SULT1C3: variants seen among roughly 807,000 people sequenced by gnomAD.
SULT1C3 encodes sulfotransferase 1C3.
Under a neutral mutation model 28.4 loss-of-function variants are expected in SULT1C3, and 31 were observed. The observed-to-expected ratio is 1.09, with a 90% CI of 0.82 to 1.47. The LOEUF is 1.47. SULT1C3 is among the 40% of genes most tolerant of loss of function. The pLI, the probability that SULT1C3 is intolerant of heterozygous loss-of-function variation, is 0.00. For synonymous variants in SULT1C3, 106 were observed against 92.2 expected, an observed-to-expected ratio of 1.15 and a Z score of -0.86; for missense variants, 307 against 272.5, an observed-to-expected ratio of 1.13 and a Z score of -0.89.
downstream of SULT1C3, among the ~76,000 whole-genome samples, chr2:108,262,005 C>G (rs891672053): frequency 8.5e-5 from 13 of 152,124 alleles, no homozygotes; most frequent in Middle Eastern, 3.4e-3. Flanking sequence ...CAGAGGGGAC[C>G]CTGGGGTGAA....
chr2:108,260,291 G>T (rs891284627), intron 7 of SULT1C3, among the ~76,000 whole-genome samples: 1 of 152,132 alleles, frequency 6.6e-6, no homozygotes, highest in African/African-American at 2.4e-5. Context: ...CTAGAGCCAG[G>T]AGTGTACCCT....
chr2:108,247,331 C>A lies in SULT1C3; in HGVS notation c.137C>A (p.Pro46His). 1.3e-6 allele frequency: 2 copies of A among 1,568,096 alleles called. No individual in the cohort carries two copies. Among genetic ancestry groups the A allele is most frequent in the East Asian group, 2.3e-5 (1 of 43,420 alleles). The change falls in exon 2 of 8, where the codon CCT becomes CAT. Residue 46 changes from proline (P) to histidine (H), a missense_variant. Physicochemically the swap from Pro to His is moderately conservative, Grantham distance 77. Transcript: ENST00000681802. ...AAAGTATGTAATTTCCAAGCCAAGC[C>A]TGATGATCTTATTCTGGCAACTTAC... ...WEKVCNFQAK[P>H]DDLILATYPK...
intron 1 of SULT1C3, among the ~76,000 whole-genome samples, chr2:108,241,361 G>C (rs1208725613): frequency 6.6e-6 from 1 of 152,196 alleles, no homozygotes; most frequent in Non-Finnish European, 1.5e-5. Flanking sequence ...AATTCTAGAG[G>C]AACCAGGCAG....
At chr2:108,264,624 G>A (rs1676091351), downstream of SULT1C3, among the ~76,000 whole-genome samples, 1 of 152,142 alleles carries the variant, frequency 6.6e-6, no homozygotes, top group Non-Finnish European at 1.5e-5. Flanking sequence ...GCCTCTTGAG[G>A]GCAGGGACAA....
chr2:108,245,309 CA>C (rs927087773), intron 1 of SULT1C3, among the ~76,000 whole-genome samples: 15 of 146,846 alleles, frequency 1.0e-4, no homozygotes, highest in African/African-American at 2.0e-4. Flanking sequence ...GCGTGCCTTC[CA>C]AAAAAAAAAT....
chr2:108,251,832 T>C (rs1387063509), intron 2 of SULT1C3, among the ~76,000 whole-genome samples: 2 of 152,070 alleles, frequency 1.3e-5, no homozygotes, highest in East Asian at 3.9e-4. Flanking sequence ...TTAATAACAT[T>C]ATGATACAAT....
In SULT1C3 at chr2:108,250,036, A is replaced by C. The variant is rs569774733; in HGVS notation, c.173-2329A>C. On this transcript the variant is annotated intron_variant, in intron 2 of 7. Transcript: ENST00000681802. ...TTAGGCAACAATAATTTGGGGAAAAAAATGGAAAGCACTACCCTTTATGGT... is the reference window on the plus strand; with the variant it reads ...TTAGGCAACAATAATTTGGGGAAAACAATGGAAAGCACTACCCTTTATGGT... 1.4e-4 allele frequency among the ~76,000 whole-genome samples: 21 copies of C among 152,158 alleles called. No individual in the cohort carries two copies. The South Asian group carries it at 1.5e-3, about 11-fold the overall frequency.
downstream of SULT1C3, chr2:108,265,031 G>T (rs966722079): frequency 6.3e-7 from 1 of 1,584,246 alleles, no homozygotes; most frequent in African/African-American, 1.4e-5. Context: ...AGTCTAAGAT[G>T]TCAAATGGAA....
chr2:108,264,001 T>C (rs925432308), downstream of SULT1C3, among the ~76,000 whole-genome samples: 12 of 152,208 alleles, frequency 7.9e-5, no homozygotes, highest in African/African-American at 2.9e-4. Context: ...ACTATCATAC[T>C]TGTAAAGTGT....
At chr2:108,242,694 A>T (rs1675492862) in intron 1 of SULT1C3, among the ~76,000 whole-genome samples, 1 of 152,198 alleles carries the variant, frequency 6.6e-6, no homozygotes, top group African/African-American at 2.4e-5. Flanking sequence ...AGAGTCTTTG[A>T]TTTTGAGAGG....
At chr2:108,247,962 C>T (rs1274490239) in intron 2 of SULT1C3, among the ~76,000 whole-genome samples, 2 of 152,098 alleles carry the variant, frequency 1.3e-5, no homozygotes, top group African/African-American at 2.4e-5. Context: ...TTCGATAGGC[C>T]ATTCTCCATT....
intron 2 of SULT1C3, among the ~76,000 whole-genome samples, chr2:108,251,596 T>C (rs1675726921): frequency 1.3e-5 from 2 of 151,934 alleles, no homozygotes; most frequent in African/African-American, 4.8e-5. Context: ...TTCCAGTTTA[T>C]GGGAAATAGA....
intron 2 of SULT1C3, among the ~76,000 whole-genome samples, chr2:108,249,673 T>G (rs1389574674): frequency 6.6e-6 from 1 of 152,068 alleles, no homozygotes; most frequent in Admixed American, 6.6e-5. Flanking sequence ...ATCAATATTT[T>G]TAAGATATCA....
chr2:108,249,754 A>T (rs1475684227), intron 2 of SULT1C3, among the ~76,000 whole-genome samples: 1 of 152,070 alleles, frequency 6.6e-6, no homozygotes, highest in Non-Finnish European at 1.5e-5. Context: ...GATTTCTATG[A>T]AAATGTCATT....
At chr2:108,248,322 T>C (rs1435680505) in intron 2 of SULT1C3, among the ~76,000 whole-genome samples, 2 of 152,092 alleles carry the variant, frequency 1.3e-5, no homozygotes, top group African/African-American at 4.8e-5. Context: ...ACTCCAGCCA[T>C]AATAAAAAAG....
intron 7 of SULT1C3, 146 bp from the exon 8 acceptor site, chr2:108,260,422 T>TA: frequency 3.1e-6 from 1 of 326,594 alleles, no homozygotes; most frequent in Non-Finnish European, 6.1e-6. Flanking sequence ...TGAGGGACCA[T>TA]TCATAGTGGA....
chr2:108,257,552 C>G (rs1166590015), intron 5 of SULT1C3, among the ~76,000 whole-genome samples: 1 of 151,948 alleles, frequency 6.6e-6, no homozygotes, highest in African/African-American at 2.4e-5. Context: ...CACCCACAAT[C>G]AACCCCAATC....
intron 1 of SULT1C3, among the ~76,000 whole-genome samples, chr2:108,246,979 G>C (rs1372689869): frequency 1.3e-5 from 2 of 151,966 alleles, no homozygotes; most frequent in African/African-American, 4.8e-5. Flanking sequence ...TCCACATGTA[G>C]AAAACAGAAA....
Position 108,255,564 on chromosome 2 carries a change from G to C in SULT1C3, c.400-8G>C. On this transcript the variant is annotated splice_polypyrimidine_tract_variant and splice_region_variant and intron_variant, in intron 4 of 7. Coordinates refer to ENST00000681802, the MANE Select transcript of SULT1C3 (RefSeq NM_001320878.2). ...CTCCATGGCTTCCTTCCCTCTCCTT[G>C]ATTTCAGATTGTCTATGTGGCCAGA... 1 of 1,608,712 alleles carries C rather than the reference G, an allele frequency of 6.2e-7. No homozygotes were observed. The highest frequency in any genetic ancestry group is 1.3e-5 in the African/African-American group (1 of 74,618).
Sources: allele counts gnomAD v4.1 joint callset (sites outside exome capture counted in the v4.1 genomes callset), GRCh38; gene constraint gnomAD v4.1.1; transcripts MANE v1.5; gene names NCBI Gene and HGNC (gene_info 2026-07-23, HGNC 2026-07-21).